Variants in NEIL3 observed in about 807,000 individuals in gnomAD.
NEIL3 encodes endonuclease 8-like 3.
In NEIL3, 48 loss-of-function variants were observed where a neutral mutation model predicts 57.5. The ratio of observed to expected loss-of-function variants is 0.83; its 90% confidence interval spans 0.66 to 1.06. The LOEUF is 1.06. Among genes scored for constraint, NEIL3 ranks in the 50% least tolerant of loss-of-function variants. The pLI, the probability that NEIL3 is intolerant of heterozygous loss-of-function variation, is 0.00. For missense variants in NEIL3, 717 were observed against 739.1 expected, an observed-to-expected ratio of 0.97 and a Z score of 0.35; for synonymous variants, 261 against 253.2, an observed-to-expected ratio of 1.03 and a Z score of -0.29.
intron 4 of NEIL3, among the ~76,000 whole-genome samples, chr4:177,337,339 T>A (rs1734997812): frequency 6.6e-6 from 1 of 152,202 alleles, no homozygotes; most frequent in Non-Finnish European, 1.5e-5. Flanking sequence ...TTAACTAAAT[T>A]ATCTTTTACA....
At chr4:177,315,388 C>A (rs773526375) in intron 1 of NEIL3, among the ~76,000 whole-genome samples, 1 of 152,108 alleles carries the variant, frequency 6.6e-6, no homozygotes, top group African/African-American at 2.4e-5. Context: ...CTCAATCATA[C>A]CTAAACTTGT....
At chr4:177,319,599 C>T (rs1734636578) in intron 1 of NEIL3, among the ~76,000 whole-genome samples, 1 of 152,086 alleles carries the variant, frequency 6.6e-6, no homozygotes, top group African/African-American at 2.4e-5. Flanking sequence ...TTTTATCCCT[C>T]ACGCCCCTCT....
At chr4:177,330,583 G>C (rs549765146) in intron 2 of NEIL3, among the ~76,000 whole-genome samples, 1 of 151,998 alleles carries the variant, frequency 6.6e-6, no homozygotes, top group African/African-American at 2.4e-5. Context: ...TAATAAAAAT[G>C]AATGACACCA....
chr4:177,365,808 A>G (rs1306107695), downstream of NEIL3, among the ~76,000 whole-genome samples: 1 of 152,224 alleles, frequency 6.6e-6, no homozygotes, highest in African/African-American at 2.4e-5. Context: ...TATTTTGCTT[A>G]AAGTCACAGT....
intron 6 of NEIL3, among the ~76,000 whole-genome samples, chr4:177,344,807 C>G (rs1735179097): frequency 6.6e-6 from 1 of 152,166 alleles, no homozygotes. Context: ...AGTGATCTGC[C>G]TGCCTTGGCC....
At chr4:177,337,063 C>G (rs1255141977) in intron 4 of NEIL3, among the ~76,000 whole-genome samples, 1 of 151,204 alleles carries the variant, frequency 6.6e-6, no homozygotes, top group Non-Finnish European at 1.5e-5. Context: ...TGTTCTACAA[C>G]TGCAGAGACT....
At position 177,335,698 on chromosome 4, in the gene NEIL3, G is replaced by A. The variant is rs751757519; in HGVS notation, c.289G>A (p.Gly97Arg). Residue 97 changes from glycine (G) to arginine (R), a missense_variant, in exon 3 of 10, where the codon GGA (glycine) becomes AGA (arginine). By Grantham distance (125) the Gly-to-Arg change is moderately radical (BLOSUM62 -2). Coordinates refer to ENST00000264596, the MANE Select transcript of NEIL3 (RefSeq NM_018248.3). ...TTGATTTTGTTTCAGGATTCATTTC[G>A]GAATGAAAGGCTTCATCATGATTAA... ...FGPKALRIHFGMKGFIMINPL... is the reference protein window; with the variant it reads ...FGPKALRIHFRMKGFIMINPL... 9.3e-6 allele frequency: 15 copies of A among 1,607,654 alleles called. No individual in the cohort carries two copies. The highest frequency in any genetic ancestry group is 6.7e-5 in the East Asian group (3 of 44,644).
chr4:177,335,558 GC>G lies in NEIL3; in HGVS notation c.279-127del, dbSNP rs373199831. 107 of 651,842 alleles carry G rather than the reference GC, an allele frequency of 1.6e-4. No individual in the cohort carries two copies. The African/African-American group carries it at 1.8e-3, about 11-fold the overall frequency. The allele number at this position is 651,842 out of a possible 1,614,324, so 40.4% of individuals were successfully genotyped here. A position where few individuals can be genotyped will look rare whatever the true frequency, so the allele number is the denominator to read the frequency against. Reference sequence around the variant, plus strand: ...TATAATAATCTTACCACTGGTTTCTGCCCTTTAAAAGTGTCTATCCTGACTA... The same window carrying G: ...TATAATAATCTTACCACTGGTTTCTGCCTTTAAAAGTGTCTATCCTGACTA... On this transcript the variant is annotated intron_variant, in intron 2 of 9. Coordinates refer to ENST00000264596, the MANE Select transcript of NEIL3 (RefSeq NM_018248.3).
downstream of NEIL3, among the ~76,000 whole-genome samples, chr4:177,364,817 A>C (rs181587329): frequency 8.8e-3 from 1,335 of 152,102 alleles, 6 homozygotes; most frequent in Non-Finnish European, 0.015. Context: ...AGTCCCAGCT[A>C]CTGTGGAGGC....
At position 177,360,499 on chromosome 4, in the gene NEIL3, A is replaced by G; in HGVS notation, c.1461-4A>G. 1 of 1,612,300 alleles carries G rather than the reference A, an allele frequency of 6.2e-7. No homozygotes were observed. The highest frequency in any genetic ancestry group is 1.1e-5 in the South Asian group (1 of 90,816). ...TGTACTTATTTTGTAACCTGTCATT[A>G]CAGTGAACTTCAAATTAATATGACA... On this transcript the variant is annotated splice_polypyrimidine_tract_variant and splice_region_variant and intron_variant, in intron 8 of 9. Coordinates refer to ENST00000264596, the MANE Select transcript of NEIL3 (RefSeq NM_018248.3).
At position 177,335,685 on chromosome 4, in the gene NEIL3, C is replaced by T; in HGVS notation, c.279-3C>T. The T allele has an allele frequency of 3.1e-6, 5 of 1,608,374 alleles. No homozygotes were observed. The highest frequency in any genetic ancestry group is 4.2e-6 in the Non-Finnish European group (5 of 1,177,768). Reference sequence around the variant, plus strand: ...ACTCAAAAATGGTTTGATTTTGTTTCAGGATTCATTTCGGAATGAAAGGCT... The same window carrying T: ...ACTCAAAAATGGTTTGATTTTGTTTTAGGATTCATTTCGGAATGAAAGGCT... On this transcript the variant is annotated splice_region_variant and splice_polypyrimidine_tract_variant and intron_variant, in intron 2 of 9. Coordinates refer to ENST00000264596, the MANE Select transcript of NEIL3 (RefSeq NM_018248.3).
At chr4:177,355,792 A>G (rs1482496016) in intron 8 of NEIL3, among the ~76,000 whole-genome samples, 1 of 152,114 alleles carries the variant, frequency 6.6e-6, no homozygotes, top group Non-Finnish European at 1.5e-5. Flanking sequence ...TGCTCAATAG[A>G]TGTGTTTACT....
chr4:177,370,937 CA>C, the NEIL3 span, among the ~76,000 whole-genome samples: 22 of 140,138 alleles, frequency 1.6e-4, no homozygotes, highest in Admixed American at 2.8e-4. Context: ...AAAGTGAAGA[CA>C]AAAAAAAAAG....
In NEIL3 at chr4:177,353,671, A is replaced by G. The variant is rs758844897; in HGVS notation, c.1403A>G (p.Lys468Arg). 10 of 1,613,978 alleles carry G rather than the reference A, an allele frequency of 6.2e-6. No homozygotes were observed. The highest frequency in any genetic ancestry group is 7.6e-6 in the Non-Finnish European group (9 of 1,179,890). ...KLFSPAHKKP[K>R]TAQYSSPELK... ...TTTAGTCCAGCACATAAAAAACCGA[A>G]AACAGCCCAATACTCATCACCAGAG... is the stretch of plus-strand genomic sequence containing the variant. Residue 468 changes from lysine to arginine, a missense_variant, in exon 8 of 10, where the codon AAA (lysine) becomes AGA (arginine). Lys to Arg is a conservative substitution (Grantham distance 26). Transcript: ENST00000264596.
At chr4:177,339,941 A>G (rs1439263887) in intron 5 of NEIL3, 84 bp downstream of exon 5, 1 of 838,656 alleles carries the variant, frequency 1.2e-6, no homozygotes, top group African/African-American at 1.7e-5. Context: ...TGAAAGCTGT[A>G]TATAGCCATC....
Position 177,351,401 on chromosome 4 carries a change from T to G in NEIL3, c.891T>G (p.Thr297=). ...ATAGCAAGCTACCGACTAGAAATAC[T>G]ATAATCAGTTGGACATCTAGCAGGG... ...VDICKLPTRN[T]IISWTSSRVD... is the part of the protein sequence containing the mutation. The change falls in exon 7 of 10, where the codon ACT becomes ACG. Residue 297 remains threonine, a synonymous_variant. Transcript: ENST00000264596. 3 of 1,611,766 alleles carry G rather than the reference T, an allele frequency of 1.9e-6. No homozygotes were observed. Among genetic ancestry groups the G allele is most frequent in the Non-Finnish European group, 2.5e-6 (3 of 1,179,128 alleles).
chr4:177,324,667 C>T (rs552952010), intron 2 of NEIL3, among the ~76,000 whole-genome samples: 6 of 152,214 alleles, frequency 3.9e-5, no homozygotes, highest in African/African-American at 1.4e-4. Context: ...TCCACTAACT[C>T]TTCAACTAAA....
intron 6 of NEIL3, among the ~76,000 whole-genome samples, chr4:177,349,269 G>A (rs1735301823): frequency 6.6e-6 from 1 of 152,016 alleles, no homozygotes; most frequent in African/African-American, 2.4e-5. Flanking sequence ...CAACAGAAAT[G>A]CATTCACTCA....
chr4:177,318,374 A>C (rs991088031), intron 1 of NEIL3, among the ~76,000 whole-genome samples: 3 of 126,602 alleles, frequency 2.4e-5, no homozygotes, highest in South Asian at 2.1e-4. Context: ...TAAATGATAC[A>C]AAAAATTTTA....
Sources: gnomAD v4.1 joint callset for allele counts (sites outside exome capture counted in the v4.1 genomes callset) on GRCh38, gnomAD v4.1.1 for gene constraint, MANE v1.5 for transcripts, NCBI Gene and HGNC (gene_info 2026-07-23, HGNC 2026-07-21) for gene names.